Variants in ERCC6L2 observed in about 807,000 individuals in gnomAD.
ERCC6L2 encodes the protein ERCC excision repair 6 like 2.
ERCC6L2 carries 77 observed loss-of-function variants against 132.0 expected under a neutral mutation model. The ratio of observed to expected loss-of-function variants is 0.58; its 90% confidence interval spans 0.49 to 0.71. The LOEUF is 0.71. Among genes scored for constraint, ERCC6L2 ranks in the 30% least tolerant of loss-of-function variants. The pLI is 0.00. For synonymous variants in ERCC6L2, 583 were observed against 632.4 expected, an observed-to-expected ratio of 0.92 and a Z score of 1.17; for missense variants, 1,542 against 1,837.6, an observed-to-expected ratio of 0.84 and a Z score of 2.94.
chr9:95,956,537 A>T (rs1460474419), intron 13 of ERCC6L2, among the ~76,000 whole-genome samples: 1 of 152,188 alleles, frequency 6.6e-6, no homozygotes, highest in Admixed American at 6.6e-5. Flanking sequence ...AAGACTGGGT[A>T]ATTTATAAAG....
intron 19 of ERCC6L2, among the ~76,000 whole-genome samples, chr9:96,030,263 G>A (rs532572560): frequency 1.3e-4 from 20 of 152,212 alleles, no homozygotes; most frequent in Admixed American, 1.1e-3. Context: ...GGACATAGGC[G>A]GGGACAAATA....
intron 17 of ERCC6L2, among the ~76,000 whole-genome samples, chr9:95,983,050 A>T (rs1211637591): frequency 6.6e-6 from 1 of 152,180 alleles, no homozygotes; most frequent in Non-Finnish European, 1.5e-5. Context: ...CAAAAAATGT[A>T]CATTTTTATT....
At chr9:95,938,182 G>T (rs1830640668) in intron 11 of ERCC6L2, among the ~76,000 whole-genome samples, 1 of 151,720 alleles carries the variant, frequency 6.6e-6, no homozygotes, top group Admixed American at 6.6e-5. Flanking sequence ...TATCGTTAGA[G>T]AACATACTCA....
At chr9:95,893,085 A>G (rs1828255110) in intron 2 of ERCC6L2, among the ~76,000 whole-genome samples, 1 of 152,172 alleles carries the variant, frequency 6.6e-6, no homozygotes, top group Non-Finnish European at 1.5e-5. Context: ...TGGTTGCTCT[A>G]ATGATAAAAT....
At chr9:95,929,788 A>G (rs1409995465) in intron 11 of ERCC6L2, among the ~76,000 whole-genome samples, 1 of 152,202 alleles carries the variant, frequency 6.6e-6, no homozygotes, top group African/African-American at 2.4e-5. Context: ...ACTGTGGTCA[A>G]TTAAATTTCA....
intron 2 of ERCC6L2, among the ~76,000 whole-genome samples, chr9:95,884,923 A>C (rs548885223): frequency 2.6e-5 from 4 of 152,340 alleles, no homozygotes; most frequent in Non-Finnish European, 4.4e-5. Context: ...GTTTGGGGGT[A>C]GGAAAGACTT....
At chr9:95,918,256 A>G (rs951626806) in intron 6 of ERCC6L2, 2 of 437,656 alleles carry the variant, frequency 4.6e-6, no homozygotes, top group Non-Finnish European at 9.1e-6. Context: ...TCTGGCTGGA[A>G]AAGACCCACT....
At chr9:95,991,130 TG>T (rs947992711) in intron 17 of ERCC6L2, among the ~76,000 whole-genome samples, 1 of 151,600 alleles carries the variant, frequency 6.6e-6, no homozygotes, top group Admixed American at 6.6e-5. Context: ...GGGCCCAGGA[TG>T]GGGGTAAGGG....
intron 2 of ERCC6L2, among the ~76,000 whole-genome samples, chr9:95,882,570 T>C (rs1827649352): frequency 6.6e-6 from 1 of 152,164 alleles, no homozygotes; most frequent in Non-Finnish European, 1.5e-5. Flanking sequence ...TTACCTCCAT[T>C]AGTTATTGGA....
intron 13 of ERCC6L2, among the ~76,000 whole-genome samples, chr9:95,964,625 T>C (rs1832068666): frequency 6.6e-6 from 1 of 152,204 alleles, no homozygotes; most frequent in Admixed American, 6.5e-5. Flanking sequence ...ATGAACTTCT[T>C]AACATCATAA....
chr9:96,029,078 G>T (rs1159758103), intron 19 of ERCC6L2, among the ~76,000 whole-genome samples: 4 of 152,086 alleles, frequency 2.6e-5, no homozygotes, highest in African/African-American at 7.2e-5. Context: ...GTCAAGGTGG[G>T]CGGATCACAA....
intron 11 of ERCC6L2, among the ~76,000 whole-genome samples, chr9:95,938,299 A>G (rs1830645386): frequency 6.6e-6 from 1 of 151,626 alleles, no homozygotes; most frequent in South Asian, 2.1e-4. Context: ...TGAATATTCT[A>G]TAGGAACCAG....
chr9:95,966,359 ATCTCTG>A (rs1399014754), intron 13 of ERCC6L2, among the ~76,000 whole-genome samples, 197 bp from the exon 14 acceptor site: 6 of 152,228 alleles, frequency 3.9e-5, no homozygotes, highest in Admixed American at 3.3e-4. Flanking sequence ...GAAATATAAG[ATCTCTG>A]TTTCAATAAG....
At chr9:96,021,718 T>G (rs570254211), downstream of ERCC6L2, 1 of 142,842 alleles carries the variant, frequency 7.0e-6, no homozygotes, top group Non-Finnish European at 1.5e-5. This position sits in a 1 kb window ranked among gnomAD's most constrained non-coding sequence, Gnocchi z 4.7. Flanking sequence ...GGGAAAGCAG[T>G]CTCCACTGGA....
At chr9:95,951,063 CAT>C (rs1831308546) in intron 12 of ERCC6L2, among the ~76,000 whole-genome samples, 1 of 152,154 alleles carries the variant, frequency 6.6e-6, no homozygotes, top group African/African-American at 2.4e-5. Flanking sequence ...CAGGATAAAT[CAT>C]GTGTTAGGCC....
Position 95,972,618 on chromosome 9 carries a change from T to C in ERCC6L2, c.2867T>C (p.Ile956Thr). The change falls in exon 16 of 19, where the codon ATT (isoleucine) becomes ACT (threonine). Residue 956 changes from isoleucine (I) to threonine (T), a missense_variant. Ile to Thr is a moderately conservative substitution (Grantham distance 89, BLOSUM62 -1). Transcript: ENST00000653738. The part of the protein sequence containing the change: ...RNTDDKRNGI[I>T]SKKLSPENTT... ...ACTGATGACAAAAGAAATGGAATAA[T>C]TTCAAAAAAGTTAAGTCCTGAGAAC... 7.7e-7 allele frequency: 1 copy of C among 1,290,322 alleles called. No homozygotes were observed. Among genetic ancestry groups the C allele is most frequent in the Non-Finnish European group, 1.0e-6 (1 of 988,570 alleles). The allele number at this position is 1,290,322 out of a possible 1,614,324, so 79.9% of individuals were successfully genotyped here. A position where few individuals can be genotyped will look rare whatever the true frequency, so the allele number is the denominator to read the frequency against.
Position 96,015,620 on chromosome 9 carries a change from C to A in ERCC6L2, c.*2417C>A, listed in dbSNP as rs1238899220. Among the ~76,000 whole-genome samples, 1 of 146,154 alleles carries A rather than the reference C, an allele frequency of 6.8e-6. No homozygotes were observed. Among genetic ancestry groups the A allele is most frequent in the Non-Finnish European group, 1.5e-5 (1 of 66,512 alleles). On this transcript the variant is annotated 3_prime_UTR_variant, in exon 19 of 19. Transcript: ENST00000653738. ...ACTATCCTGGCTAACGCGGTGAAAC[C>A]CCGTCTCTACTAAAAAAAAAAAAAA...
intron 17 of ERCC6L2, among the ~76,000 whole-genome samples, chr9:95,985,098 T>C (rs1833047149): frequency 6.6e-6 from 1 of 152,206 alleles, no homozygotes; most frequent in South Asian, 2.1e-4. Flanking sequence ...AAAGCCTCAG[T>C]CTTCAGGGAT....
At chr9:95,965,513 T>C (rs1022764296) in intron 13 of ERCC6L2, among the ~76,000 whole-genome samples, 1 of 152,086 alleles carries the variant, frequency 6.6e-6, no homozygotes, top group Non-Finnish European at 1.5e-5. Context: ...GTTAAGCATT[T>C]CTCTTTTTTT....
Sources: gnomAD v4.1 joint callset for allele counts (sites outside exome capture counted in the v4.1 genomes callset) on GRCh38, gnomAD v4.1.1 for gene constraint, Gnocchi (gnomAD v3.1) non-coding constraint, MANE v1.5 for transcripts, NCBI Gene and HGNC (gene_info 2026-07-23, HGNC 2026-07-21) for gene names.